The following KDM1B variants were observed in gnomAD, a reference collection of about 807,000 sequenced individuals.
The protein encoded by KDM1B is lysine demethylase 1B.
A neutral mutation model predicts 107.4 loss-of-function variants in KDM1B; 63 were observed. That is an observed-to-expected ratio of 0.59 (90% CI 0.48 to 0.72). KDM1B has a LOEUF of 0.72. Ranked by LOEUF, KDM1B falls within the 30% of genes least tolerant of loss-of-function variation. The probability of loss-of-function intolerance (pLI) is 0.00; values close to 1 mark genes in which losing one functional copy is unlikely to be tolerated. For missense variants in KDM1B, 749 were observed against 1,020.8 expected (o/e 0.73, Z 3.63); for synonymous variants, 363 against 363.9 (o/e 1.00, Z 0.03).
At chr6:18,158,919 G>T (rs1447827899) in intron 2 of KDM1B, among the ~76,000 whole-genome samples, 1 of 152,122 alleles carries the variant, frequency 6.6e-6, no homozygotes, top group Non-Finnish European at 1.5e-5. Flanking sequence ...TGACTAGATG[G>T]TTTTCTTGAT....
intron 7 of KDM1B, among the ~76,000 whole-genome samples, chr6:18,179,710 T>TCTCG (rs1284815676): frequency 1.3e-5 from 2 of 152,192 alleles, no homozygotes; most frequent in East Asian, 3.9e-4. Flanking sequence ...GTGGGCTTTG[T>TCTCG]CTCGGTATCC....
At position 18,222,021 on chromosome 6, in the gene KDM1B, AC is replaced by A; in HGVS notation, c.*33del. 1 of 1,596,910 alleles carries A rather than the reference AC, an allele frequency of 6.3e-7. No individual in the cohort carries two copies. The highest frequency in any genetic ancestry group is 8.6e-7 in the Non-Finnish European group (1 of 1,164,380). On this transcript the variant is annotated 3_prime_UTR_variant, in exon 22 of 22. Transcript: ENST00000650836. ...TTCGGTGGACCCAGCTTTCTTCTGT[AC>A]CCCAGATGGGGAAATTTGAATCACA...
At chr6:18,217,926 T>C (rs535864950) in intron 21 of KDM1B, 41 bp downstream of exon 21, 1 of 1,588,452 alleles carries the variant, frequency 6.3e-7, no homozygotes, top group East Asian at 2.2e-5. Flanking sequence ...TGTATTTTGA[T>C]TTCTGTCTTT....
Position 18,159,909 on chromosome 6 carries a change from G to A in KDM1B, c.14G>A (p.Arg5Gln), listed in dbSNP as rs752703290. Residue 5 changes from arginine (R) to glutamine (Q), a missense_variant, in exon 3 of 22, where the codon CGG becomes CAG. Physicochemically the swap from Arg to Gln is conservative, Grantham distance 43. Coordinates refer to ENST00000650836, the MANE Select transcript of KDM1B (RefSeq NM_001364614.2). This position sits in a 1 kb window ranked among gnomAD's most constrained non-coding sequence, Gnocchi z 4.5. ...TTATTTAATGTAATGGCAACTCCAC[G>A]GGGGAGGACAAAGAAAAAAGCATCT... MATP[R>Q]GRTKKKASFD... 5.0e-6 allele frequency: 8 copies of A among 1,606,460 alleles called. No individual in the cohort carries two copies. The highest frequency in any genetic ancestry group is 6.8e-6 in the Non-Finnish European group (8 of 1,176,474).
rs1787262460 is a variant in KDM1B at position 18,191,189 on chromosome 6, C to T, written c.785-8C>T. The stretch of plus-strand genomic sequence containing the variant: ...TTGTAGGAGTTGCCCATTTGTGTTA[C>T]CTATCAGTTCCAGGCATGAACCGAT... On this transcript the variant is annotated splice_polypyrimidine_tract_variant and splice_region_variant and intron_variant, in intron 9 of 21. Transcript: ENST00000650836. The surrounding 1 kb of genome is among the most constrained non-coding windows in gnomAD (Gnocchi z 5.1). The T allele has an allele frequency of 3.9e-6, 6 of 1,548,590 alleles. No homozygotes were observed. The highest frequency in any genetic ancestry group is 5.2e-6 in the Non-Finnish European group (6 of 1,146,008).
intron 3 of KDM1B, among the ~76,000 whole-genome samples, chr6:18,161,084 A>G (rs1253635833): frequency 6.6e-6 from 1 of 152,134 alleles, no homozygotes; most frequent in East Asian, 1.9e-4. Context: ...AAAGACTCAT[A>G]TGAATTTAGT....
intron 21 of KDM1B, among the ~76,000 whole-genome samples, chr6:18,221,530 T>C (rs1561963372): frequency 6.6e-6 from 1 of 152,204 alleles, no homozygotes; most frequent in Non-Finnish European, 1.5e-5. Flanking sequence ...TTTACCCATC[T>C]AGCAAAAGTC....
chr6:18,172,149 T>C lies in KDM1B; in HGVS notation c.534+670T>C, dbSNP rs1251840920. 2.0e-5 allele frequency among the ~76,000 whole-genome samples: 3 copies of C among 152,220 alleles called. No individual in the cohort carries two copies. Among genetic ancestry groups the C allele is most frequent in the Admixed American group, 2.0e-4 (3 of 15,272 alleles). ...CTATTAGTGAGGAAGAAAAGATTAA[T>C]TGATATGCTTGGCAATTAGGAATCG... On this transcript the variant is annotated intron_variant, in intron 7 of 21. Coordinates refer to ENST00000650836, the MANE Select transcript of KDM1B (RefSeq NM_001364614.2). The surrounding 1 kb of genome is among the most constrained non-coding windows in gnomAD (Gnocchi z 5.2).
intron 20 of KDM1B, 79 bp downstream of exon 20, chr6:18,215,208 C>T (rs1053628626): frequency 1.4e-5 from 20 of 1,478,538 alleles, no homozygotes; most frequent in South Asian, 2.6e-5. Context: ...AAGCAGCCAG[C>T]GTCACTGAGA....
At chr6:18,166,424 A>C in intron 6 of KDM1B, 46 bp downstream of exon 6, 9 of 1,066,522 alleles carry the variant, frequency 8.4e-6, no homozygotes, top group Non-Finnish European at 1.3e-5. Flanking sequence ...TGTGGAGCCA[A>C]ATGCAAGAGG....
At chr6:18,206,588 A>T (rs78143703) in intron 15 of KDM1B, among the ~76,000 whole-genome samples, 1 of 152,092 alleles carries the variant, frequency 6.6e-6, no homozygotes, top group Non-Finnish European at 1.5e-5. Context: ...AGGGTCTCTT[A>T]TGTTTTTCTT....
At chr6:18,158,977 A>AT (rs1471778006) in intron 2 of KDM1B, among the ~76,000 whole-genome samples, 5 of 151,734 alleles carry the variant, frequency 3.3e-5, no homozygotes, top group East Asian at 1.9e-4. Flanking sequence ...GTTTTCTTTT[A>AT]TTTTTTTTGA....
rs1554144142 is a variant in KDM1B, at chr6:18,184,273, C to CTTCT, written c.535-1497_535-1496insCTTT. 4.2e-3 allele frequency among the ~76,000 whole-genome samples: 490 copies of CTTCT among 116,640 alleles called. 10 individuals carry two copies. The highest frequency in any genetic ancestry group is 6.1e-3 in the Non-Finnish European group (349 of 57,544). 76.5% of individuals were successfully genotyped at this position (116,640 alleles called of 152,430 possible). A position where few individuals can be genotyped will look rare whatever the true frequency, so the allele number is the denominator to read the frequency against. ...TCCTACACTATGATTGTTCTAGCTTCTTTTTTTTTTTTTTTTTTTGAGACG... is the reference window on the plus strand; with the variant it reads ...TCCTACACTATGATTGTTCTAGCTTCTTCTTTTTTTTTTTTTTTTTTTTGAGACG... On this transcript the variant is annotated intron_variant, in intron 7 of 21. Transcript: ENST00000650836.
chr6:18,197,603 T>C lies in KDM1B; in HGVS notation c.1163T>C (p.Ile388Thr). ...CTTTTTAAGAAATCAGTCATCATTA[T>C]CGGGGCTGGTCCAGCAGGATTAGCA... ...KDYHNKSVII[I>T]GAGPAGLAAA... The change falls in exon 12 of 22, where the codon ATC becomes ACC. Residue 388 changes from isoleucine (I) to threonine (T), a missense_variant. Ile to Thr is a moderately conservative substitution (Grantham distance 89). Transcript: ENST00000650836. This position sits in a 1 kb window ranked among gnomAD's most constrained non-coding sequence, Gnocchi z 4.5. 4 of 1,613,844 alleles carry C rather than the reference T, an allele frequency of 2.5e-6. No homozygotes were observed. The highest frequency in any genetic ancestry group is 3.4e-6 in the Non-Finnish European group (4 of 1,179,750).
At chr6:18,180,630 A>C (rs1190217300) in intron 7 of KDM1B, among the ~76,000 whole-genome samples, 2 of 152,190 alleles carry the variant, frequency 1.3e-5, no homozygotes, top group East Asian at 3.9e-4. Flanking sequence ...CGGTGACACC[A>C]TCTAGGCCTA....
Position 18,208,141 on chromosome 6 carries a change from A to G in KDM1B, c.1801A>G (p.Ile601Val). The stretch of plus-strand genomic sequence containing the variant: ...ATTGCTTTTTGAGCAGGTGCAGTGT[A>G]TTGATTATTCTGGAGATGAAGTGCA... ...DIQLKSPVQCIDYSGDEVQVT... is the reference protein window; with the variant it reads ...DIQLKSPVQCVDYSGDEVQVT... Residue 601 changes from isoleucine (I) to valine (V), a missense_variant, in exon 17 of 22, where the codon ATT becomes GTT. By Grantham distance (29) the Ile-to-Val change is conservative. Transcript: ENST00000650836. 1.2e-6 allele frequency: 2 copies of G among 1,612,790 alleles called. No homozygotes were observed. Among genetic ancestry groups the G allele is most frequent in the Non-Finnish European group, 8.5e-7 (1 of 1,179,028 alleles).
At chr6:18,183,942 T>C (rs1157105727) in intron 7 of KDM1B, among the ~76,000 whole-genome samples, 2 of 152,094 alleles carry the variant, frequency 1.3e-5, no homozygotes, top group Non-Finnish European at 2.9e-5. Context: ...GTCCAAGGAC[T>C]AGAACTGCTA....
intron 7 of KDM1B, among the ~76,000 whole-genome samples, chr6:18,179,620 A>G (rs375586558): frequency 6.6e-6 from 1 of 151,930 alleles, no homozygotes; most frequent in African/African-American, 2.4e-5. Context: ...TTTTTCAAGC[A>G]GTTTGTCTTT....
Position 18,221,797 on chromosome 6 carries a change from C to T in KDM1B, c.2386-112C>T, listed in dbSNP as rs141838469. On this transcript the variant is annotated intron_variant, in intron 21 of 21. Transcript: ENST00000650836. The stretch of plus-strand genomic sequence containing the variant: ...ATGGGTGAGTGTGAATATGAGCACA[C>T]AGGAGTGGCACAAATCTTTATGTTA... The T allele has an allele frequency of 2.0e-4, 164 of 834,790 alleles. No homozygotes were observed. In the African/African-American group the frequency reaches 2.6e-3, roughly 13 times the overall value. 51.7% of individuals were successfully genotyped at this position (834,790 alleles called of 1,614,324 possible). A position where few individuals can be genotyped will look rare whatever the true frequency, so the allele number is the denominator to read the frequency against.
Sources: gnomAD v4.1 joint callset for allele counts (sites outside exome capture counted in the v4.1 genomes callset) on GRCh38, gnomAD v4.1.1 for gene constraint, Gnocchi (gnomAD v3.1) non-coding constraint, MANE v1.5 for transcripts, NCBI Gene and HGNC (gene_info 2026-07-23, HGNC 2026-07-21) for gene names.